Variants in MRPL21 observed in about 807,000 individuals in gnomAD.
MRPL21 encodes mitochondrial ribosomal protein L21, also known as large ribosomal subunit protein bL21m.
Under a neutral mutation model 27.3 loss-of-function variants are expected in MRPL21, and 20 were observed. The ratio of observed to expected loss-of-function variants is 0.73; its 90% confidence interval spans 0.52 to 1.06. The LOEUF is 1.06. Ranked by LOEUF, MRPL21 falls within the 50% of genes least tolerant of loss-of-function variation. MRPL21 has a pLI of 0.00. For missense variants in MRPL21, 249 were observed against 251.4 expected (o/e 0.99, Z 0.06); for synonymous variants, 98 against 101.5 (o/e 0.97, Z 0.21).
At chr11:68,899,346 G>A (rs913935352) in intron 2 of MRPL21, among the ~76,000 whole-genome samples, 5 of 152,192 alleles carry the variant, frequency 3.3e-5, no homozygotes, top group African/African-American at 9.7e-5. Context: ...GGAAGAAAAC[G>A]ACTTGCTCCA....
intron 1 of MRPL21, among the ~76,000 whole-genome samples, chr11:68,902,983 T>C (rs1858002653): frequency 2.0e-5 from 3 of 152,224 alleles, no homozygotes; most frequent in Admixed American, 2.0e-4. Context: ...TTTCTTTTTA[T>C]TGCTGCATAA....
In MRPL21 at chr11:68,896,634, C is replaced by T. The variant is rs756526515; in HGVS notation, c.277G>A (p.Gly93Ser). The change falls in exon 4 of 7, where the codon GGC (glycine) becomes AGC (serine). Residue 93 changes from glycine (G) to serine (S), a missense_variant. Gly to Ser is a moderately conservative substitution (Grantham distance 56). Coordinates refer to ENST00000362034, the MANE Select transcript of MRPL21 (RefSeq NM_181514.2). ...VNEMIVTGQY[G>S]RLFAVVHFAS... Reference sequence around the variant, plus strand: ...AAGTGCACCACGGCAAAGAGCCTGCCATACTGCCCCGTGACGATCATCTCA... The same window carrying T: ...AAGTGCACCACGGCAAAGAGCCTGCTATACTGCCCCGTGACGATCATCTCA... The T allele has an allele frequency of 1.2e-6, 2 of 1,614,176 alleles. No individual in the cohort carries two copies. The highest frequency in any genetic ancestry group is 1.1e-5 in the South Asian group (1 of 91,086).
At chr11:68,903,081 G>A (rs1858006825) in intron 1 of MRPL21, among the ~76,000 whole-genome samples, 1 of 152,074 alleles carries the variant, frequency 6.6e-6, no homozygotes, top group Non-Finnish European at 1.5e-5. Context: ...GGGAATTATG[G>A]TACTATTCTT....
In MRPL21 at chr11:68,893,417, G is replaced by C; in HGVS notation, c.435C>G (p.Gly145=). 1 of 1,563,492 alleles carries C rather than the reference G, an allele frequency of 6.4e-7. No homozygotes were observed. Among genetic ancestry groups the C allele is most frequent in the Non-Finnish European group, 8.6e-7 (1 of 1,161,494 alleles). ...ACAGCCATTACCCGAGGAGTGGCTT[G>C]CCAAGCAGCGTGAAGTTGTCTGCCC... ...LVGADNFTLL[G]KPLLGKDLVR... is the part of the protein sequence containing the mutation. Residue 145 remains glycine (G), a synonymous_variant, in exon 5 of 7, where the codon GGC becomes GGG. Coordinates refer to ENST00000362034, the MANE Select transcript of MRPL21 (RefSeq NM_181514.2).
chr11:68,892,909 T>C lies in MRPL21; in HGVS notation c.534A>G (p.Lys178=), dbSNP rs1261487892. The C allele has an allele frequency of 6.2e-6, 10 of 1,613,262 alleles. No homozygotes were observed. Among genetic ancestry groups the C allele is most frequent in the African/African-American group, 2.7e-5 (2 of 75,052 alleles). ...PRIIMRFRKR[K]NFKKKRIVTT... is the part of the protein sequence containing the mutation. The stretch of plus-strand genomic sequence containing the variant: ...ACTTACTTCTTTTCTTCTTGAAGTT[T>C]TTCCTTTTCCTGAATCTCATAATGA... The change falls in exon 6 of 7, where the codon AAA becomes AAG. Residue 178 remains lysine, a synonymous_variant. Coordinates refer to ENST00000362034, the MANE Select transcript of MRPL21 (RefSeq NM_181514.2).
At chr11:68,894,773 A>G (rs547768572) in intron 4 of MRPL21, among the ~76,000 whole-genome samples, 45 of 152,344 alleles carry the variant, frequency 3.0e-4, no homozygotes, top group African/African-American at 1.1e-3. Context: ...GTGCACTCCC[A>G]CTGGGTTTCC....
At chr11:68,893,657 G>A (rs906571297) in intron 4 of MRPL21, among the ~76,000 whole-genome samples, 21 of 152,340 alleles carry the variant, frequency 1.4e-4, no homozygotes, top group Non-Finnish European at 2.4e-4. Flanking sequence ...CTGCACAGCC[G>A]TGGGGCTGCC....
In MRPL21 at chr11:68,891,343, C is replaced by T. The variant is rs753260565; in HGVS notation, c.606G>A (p.Pro202=). 8.7e-6 allele frequency: 14 copies of T among 1,613,908 alleles called. No homozygotes were observed. Among genetic ancestry groups the T allele is most frequent in the African/African-American group, 1.3e-5 (1 of 74,930 alleles). The change falls in exon 7 of 7, where the codon CCG becomes CCA. Residue 202 remains proline, a synonymous_variant. Coordinates refer to ENST00000362034, the MANE Select transcript of MRPL21 (RefSeq NM_181514.2). ...VLRINSIEIA[P]CLL ...ATTAACTCGGTAATCACAACAAACA[C>T]GGAGCAATCTCAATGCTGTTTATCC...
At chr11:68,894,500 G>A (rs1206545248) in intron 4 of MRPL21, among the ~76,000 whole-genome samples, 1 of 152,132 alleles carries the variant, frequency 6.6e-6, no homozygotes, top group Non-Finnish European at 1.5e-5. Flanking sequence ...GGCTAGGCTG[G>A]TCTCAAACTG....
chr11:68,903,647 A>C (rs1858035256), intron 1 of MRPL21, 76 bp downstream of exon 1: 4 of 1,484,804 alleles, frequency 2.7e-6, no homozygotes, highest in Admixed American at 1.7e-5. Flanking sequence ...GGTCGGACCC[A>C]GGCACATACG....
intron 4 of MRPL21, among the ~76,000 whole-genome samples, chr11:68,896,161 C>A (rs185902037): frequency 4.6e-5 from 7 of 152,296 alleles, no homozygotes; most frequent in African/African-American, 9.6e-5. Flanking sequence ...CATCCTTAAC[C>A]GGGATTTTTA....
chr11:68,895,995 A>C (rs996556924), intron 4 of MRPL21, among the ~76,000 whole-genome samples: 4 of 152,184 alleles, frequency 2.6e-5, no homozygotes, highest in African/African-American at 9.7e-5. Flanking sequence ...TGCAGTTTTG[A>C]ATGGTCGGTG....
At chr11:68,894,438 C>G (rs1368639811) in intron 4 of MRPL21, among the ~76,000 whole-genome samples, 1 of 152,132 alleles carries the variant, frequency 6.6e-6, no homozygotes. Flanking sequence ...CCACCACAAA[C>G]CCCGGCTAAT....
At chr11:68,897,896 C>T (rs780959516) in intron 3 of MRPL21, 31 bp downstream of exon 3, 11 of 1,569,152 alleles carry the variant, frequency 7.0e-6, no homozygotes, top group East Asian at 2.2e-5. Flanking sequence ...AGGTGGTGCC[C>T]TCTAGCTTCT....
At chr11:68,900,707 T>C in intron 1 of MRPL21, 102 bp from the exon 2 acceptor site, 1 of 1,030,754 alleles carries the variant, frequency 9.7e-7, no homozygotes, top group South Asian at 1.3e-5. Flanking sequence ...GTACATGGTA[T>C]GAACCACTGC....
chr11:68,896,954 G>A (rs17532584), intron 3 of MRPL21: 132,300 of 495,138 alleles, frequency 0.27, 19,029 homozygotes, highest in Admixed American at 0.43. Flanking sequence ...CGCCCAAACC[G>A]CCTCATGCAA....
Position 68,892,949 on chromosome 11 carries a change from T to A in MRPL21, c.494A>T (p.Glu165Val), listed in dbSNP as rs746939119. The A allele has an allele frequency of 3.7e-6, 6 of 1,612,392 alleles. No homozygotes were observed. The highest frequency in any genetic ancestry group is 5.1e-6 in the Non-Finnish European group (6 of 1,179,206). Residue 165 changes from glutamate to valine, a missense_variant, in exon 6 of 7, where the codon GAA becomes GTA. Physicochemically the swap from Glu to Val is moderately radical, Grantham distance 121. Transcript: ENST00000362034. The stretch of plus-strand genomic sequence containing the variant: ...TCTCATAATGATTCTTGGCCATGAT[T>A]CTGTCTTTTCAATGACTGTGGCTTC... Reference protein sequence around the residue: ...RVEATVIEKTESWPRIIMRFR... With the variant: ...RVEATVIEKTVSWPRIIMRFR...
chr11:68,897,629 CTG>C (rs1857829697), intron 3 of MRPL21: 1 of 456,836 alleles, frequency 2.2e-6, no homozygotes, highest in Non-Finnish European at 4.0e-6. Flanking sequence ...ACTGTGCTAA[CTG>C]GGGAGAGCTG....
intron 1 of MRPL21, among the ~76,000 whole-genome samples, chr11:68,902,631 G>A (rs1024345326): frequency 1.3e-4 from 20 of 152,140 alleles, no homozygotes; most frequent in African/African-American, 4.8e-4. Flanking sequence ...TACAATTGAT[G>A]AACCTACATT....
Sources: allele counts gnomAD v4.1 joint callset (sites outside exome capture counted in the v4.1 genomes callset), GRCh38; gene constraint gnomAD v4.1.1; transcripts MANE v1.5; gene names NCBI Gene and HGNC (gene_info 2026-07-23, HGNC 2026-07-21).